Variants in EDIL3 observed in about 807,000 individuals in gnomAD.
The protein encoded by EDIL3 is EGF like and discoidin domains 3.
A neutral mutation model predicts 67.4 loss-of-function variants in EDIL3; 37 were observed. The ratio of observed to expected loss-of-function variants is 0.55; its 90% CI spans 0.42 to 0.72. The LOEUF is 0.72. Ranked by LOEUF, EDIL3 falls within the 30% of genes least tolerant of loss-of-function variation. The pLI, the probability that EDIL3 is intolerant of heterozygous loss-of-function variation, is 0.00. For synonymous variants in EDIL3, 195 were observed against 196.3 expected (o/e 0.99, Z 0.05); for missense variants, 527 against 586.3 (o/e 0.90, Z 1.04).
At chr5:84,229,402 G>A (rs1561228395) in intron 3 of EDIL3, among the ~76,000 whole-genome samples, 1 of 152,096 alleles carries the variant, frequency 6.6e-6, no homozygotes, top group Non-Finnish European at 1.5e-5. Context: ...GTACCCTTAA[G>A]CCTAGTGAAT....
At chr5:84,363,195 G>A (rs1214990222) in intron 1 of EDIL3, among the ~76,000 whole-genome samples, 1 of 151,878 alleles carries the variant, frequency 6.6e-6, no homozygotes, top group Admixed American at 6.6e-5. Flanking sequence ...TGTATTGAAA[G>A]GTATAACCAA....
At chr5:84,251,418 T>G (rs1745023666) in intron 2 of EDIL3, among the ~76,000 whole-genome samples, 1 of 151,896 alleles carries the variant, frequency 6.6e-6, no homozygotes, top group African/African-American at 2.4e-5. Context: ...CCCGGCCTTT[T>G]TTTTTTTTTC....
chr5:83,971,474 T>A (rs1744792375), intron 9 of EDIL3, among the ~76,000 whole-genome samples: 3 of 151,876 alleles, frequency 2.0e-5, no homozygotes. Context: ...TGCTATTTTG[T>A]CCAGGTTGGT....
At chr5:84,047,772 C>A (rs1044847411) in intron 9 of EDIL3, 33 of 151,992 alleles carry the variant, frequency 2.2e-4, no homozygotes, top group African/African-American at 8.0e-4. Flanking sequence ...GCCCTCACAT[C>A]TATATTTTGT....
At chr5:83,963,548 T>C (rs1744641960) in intron 9 of EDIL3, among the ~76,000 whole-genome samples, 188 bp from the exon 10 acceptor site, 2 of 151,766 alleles carry the variant, frequency 1.3e-5, no homozygotes, top group African/African-American at 4.8e-5. Flanking sequence ...TGGGTTAATG[T>C]AGTGCAAGAC....
chr5:84,094,045 G>A (rs1039809561), intron 6 of EDIL3, among the ~76,000 whole-genome samples: 1 of 152,112 alleles, frequency 6.6e-6, no homozygotes, highest in African/African-American at 2.4e-5. Context: ...CTAAAACACA[G>A]CTTTTTAGAG....
chr5:83,998,896 T>G (rs553630436), intron 9 of EDIL3, among the ~76,000 whole-genome samples: 1 of 152,282 alleles, frequency 6.6e-6, no homozygotes. Context: ...ATGGGAGTGC[T>G]TGCATAATCT....
At chr5:84,283,970 A>G (rs1241560470) in intron 1 of EDIL3, among the ~76,000 whole-genome samples, 1 of 152,120 alleles carries the variant, frequency 6.6e-6, no homozygotes, top group Non-Finnish European at 1.5e-5. Flanking sequence ...AGTTCAATCT[A>G]TCACCAAATC....
chr5:84,323,587 A>T (rs1271653114), intron 1 of EDIL3, among the ~76,000 whole-genome samples: 1 of 151,930 alleles, frequency 6.6e-6, no homozygotes, highest in Non-Finnish European at 1.5e-5. Context: ...CTTTAAATGC[A>T]AATGGATTGA....
chr5:84,091,417 CT>C (rs2112268090), intron 6 of EDIL3, among the ~76,000 whole-genome samples: 1 of 152,334 alleles, frequency 6.6e-6, no homozygotes, highest in Non-Finnish European at 1.5e-5. Context: ...AAATATATAA[CT>C]TTTTCTACAA....
At chr5:84,197,388 A>G (rs1743733796) in intron 3 of EDIL3, among the ~76,000 whole-genome samples, 1 of 151,978 alleles carries the variant, frequency 6.6e-6, no homozygotes, top group African/African-American at 2.4e-5. Flanking sequence ...AAGGTGAGTT[A>G]GAGGTTTTCA....
intron 9 of EDIL3, among the ~76,000 whole-genome samples, chr5:84,050,477 G>T (rs1746314295): frequency 6.6e-6 from 1 of 152,142 alleles, no homozygotes; most frequent in Admixed American, 6.5e-5. Flanking sequence ...CAGGACAGTG[G>T]GTGCAGTGCA....
intron 1 of EDIL3, among the ~76,000 whole-genome samples, chr5:84,382,851 A>C (rs537146573): frequency 3.3e-5 from 5 of 152,022 alleles, no homozygotes; most frequent in African/African-American, 1.2e-4. Flanking sequence ...ACACGCCTAC[A>C]CGCTGGGGGA....
At chr5:84,206,534 T>C (rs1480494188) in intron 3 of EDIL3, among the ~76,000 whole-genome samples, 1 of 152,150 alleles carries the variant, frequency 6.6e-6, no homozygotes, top group Non-Finnish European at 1.5e-5. Context: ...GAATCCTCCC[T>C]AACTCATTTT....
intron 9 of EDIL3, among the ~76,000 whole-genome samples, chr5:83,978,243 C>T (rs1744907236): frequency 6.6e-6 from 1 of 151,850 alleles, no homozygotes; most frequent in Non-Finnish European, 1.5e-5. Context: ...ATTTTAGAAA[C>T]CCATTCACTA....
chr5:84,195,884 G>C (rs1362070944), intron 3 of EDIL3, among the ~76,000 whole-genome samples: 2 of 151,888 alleles, frequency 1.3e-5, no homozygotes, highest in Non-Finnish European at 2.9e-5. Flanking sequence ...ATGCTAGAGG[G>C]GAACCTGGGA....
intron 9 of EDIL3, among the ~76,000 whole-genome samples, chr5:84,012,655 T>C (rs993224373): frequency 1.3e-5 from 2 of 152,168 alleles, no homozygotes; most frequent in African/African-American, 4.8e-5. Context: ...AGTTTGAGCA[T>C]AGTGGAGCAC....
chr5:84,261,828 C>T (rs761980568), intron 1 of EDIL3, among the ~76,000 whole-genome samples: 1 of 152,142 alleles, frequency 6.6e-6, no homozygotes, highest in Non-Finnish European at 1.5e-5. Flanking sequence ...CAGGACATCT[C>T]TTAGATGTTA....
At chr5:84,022,905 AT>A (rs1364004310) in intron 9 of EDIL3, among the ~76,000 whole-genome samples, 3 of 152,008 alleles carry the variant, frequency 2.0e-5, no homozygotes, top group Non-Finnish European at 4.4e-5. Flanking sequence ...GAGAACTTGA[AT>A]TGTTACCAAC....
Sources: gnomAD v4.1 joint callset for allele counts (sites outside exome capture counted in the v4.1 genomes callset) on GRCh38, gnomAD v4.1.1 for gene constraint, MANE v1.5 for transcripts, NCBI Gene and HGNC (gene_info 2026-07-23, HGNC 2026-07-21) for gene names.